The following GALNT10 variants were observed in gnomAD, a reference collection of about 807,000 sequenced individuals.
The protein encoded by GALNT10 is polypeptide N-acetylgalactosaminyltransferase 10, also known as GalNAc transferase 10.
Under a neutral mutation model 75.0 loss-of-function variants are expected in GALNT10, and 41 were observed. That is an observed-to-expected ratio of 0.55 (90% confidence interval 0.43 to 0.71). The LOEUF is 0.71. GALNT10 is among the 30% of genes least tolerant of loss of function. The pLI, the probability that GALNT10 is intolerant of heterozygous loss-of-function variation, is 0.00. For synonymous variants in GALNT10, 302 were observed against 313.0 expected (o/e 0.96, Z 0.37); for missense variants, 727 against 818.5 (o/e 0.89, Z 1.36).
Position 154,332,096 on chromosome 5 carries a change from C to T in GALNT10, c.568+2358C>T, listed in dbSNP as rs575696064. On this transcript the variant is annotated intron_variant, in intron 4 of 11. Coordinates refer to ENST00000297107, the MANE Select transcript of GALNT10 (RefSeq NM_198321.4). ...CTTTCTGTTTCCCAGTCTCCTCTCC[C>T]AGCCTCATCCTTCTCCCAGCATGAG... 2.6e-5 allele frequency among the ~76,000 whole-genome samples: 4 copies of T among 152,292 alleles called. No individual in the cohort carries two copies. The South Asian group carries it at 8.3e-4, about 32-fold the overall frequency.
rs752542245 is a variant in GALNT10, at chr5:154,409,663, C to T, written c.1287C>T (p.Ser429=). Residue 429 remains serine (S), a synonymous_variant, in exon 9 of 12, where the codon TCC becomes TCT. Coordinates refer to ENST00000297107, the MANE Select transcript of GALNT10 (RefSeq NM_198321.4). This position sits in a 1 kb window ranked among gnomAD's most constrained non-coding sequence, Gnocchi z 4.5. ...DVAVQKKLRS[S]LNCKSFKWFM... Reference sequence around the variant, plus strand: ...CAGTCCAGAAAAAGCTCCGCAGCTCCCTTAACTGCAAGAGTTTCAAGTGGT... The same window carrying T: ...CAGTCCAGAAAAAGCTCCGCAGCTCTCTTAACTGCAAGAGTTTCAAGTGGT... 47 of 1,613,914 alleles carry T rather than the reference C, an allele frequency of 2.9e-5. 1 individual carries two copies. The South Asian group carries it at 4.8e-4, about 17-fold the overall frequency.
At chr5:154,200,330 G>A (rs115276185) in intron 1 of GALNT10, among the ~76,000 whole-genome samples, 2,143 of 152,174 alleles carry the variant, frequency 0.014, 46 homozygotes, top group African/African-American at 0.049. Context: ...GGTCTCCCTT[G>A]TGAGTTACAA....
chr5:154,227,992 A>G (rs1753089985), intron 1 of GALNT10, among the ~76,000 whole-genome samples: 1 of 151,992 alleles, frequency 6.6e-6, no homozygotes, highest in African/African-American at 2.4e-5. Flanking sequence ...AGTTCTTGCA[A>G]GATCTGGTTG....
intron 1 of GALNT10, among the ~76,000 whole-genome samples, chr5:154,259,935 A>G (rs577210): frequency 0.064 from 9,813 of 152,250 alleles, 872 homozygotes; most frequent in African/African-American, 0.2. Flanking sequence ...TAAAATTCAT[A>G]AAACACAGTC....
intron 3 of GALNT10, among the ~76,000 whole-genome samples, chr5:154,327,216 AAAAAAAT>A (rs570734778): frequency 0.06 from 1,755 of 29,222 alleles, 32 homozygotes; most frequent in African/African-American, 0.22. Flanking sequence ...ACCCTGTCTC[AAAAAAAT>A]AAAAAATAAA....
intron 1 of GALNT10, among the ~76,000 whole-genome samples, chr5:154,261,548 C>T (rs1753698835): frequency 6.6e-6 from 1 of 152,170 alleles, no homozygotes; most frequent in Admixed American, 6.6e-5. Flanking sequence ...TTTCTTCCAC[C>T]AGCTAAGCAG....
chr5:154,240,992 T>C (rs1324824618), intron 1 of GALNT10, among the ~76,000 whole-genome samples: 1 of 152,148 alleles, frequency 6.6e-6, no homozygotes, highest in Non-Finnish European at 1.5e-5. Context: ...AGCTTTCCAG[T>C]GAGGAGTAGA....
intron 3 of GALNT10, among the ~76,000 whole-genome samples, chr5:154,311,324 G>C (rs572554167): frequency 1.3e-5 from 2 of 152,198 alleles, no homozygotes; most frequent in Non-Finnish European, 2.9e-5. Flanking sequence ...GTGTGATGAT[G>C]ATTTATTTCT....
At chr5:154,308,554 G>A (rs938545111) in intron 3 of GALNT10, among the ~76,000 whole-genome samples, 1 of 152,194 alleles carries the variant, frequency 6.6e-6, no homozygotes, top group Non-Finnish European at 1.5e-5. Flanking sequence ...GAGACCCTGA[G>A]AACTAGGAGA....
chr5:154,192,547 C>A (rs1395749709), intron 1 of GALNT10, among the ~76,000 whole-genome samples: 1 of 152,244 alleles, frequency 6.6e-6, no homozygotes, highest in Admixed American at 6.5e-5. Context: ...TCCTTGATCA[C>A]CTTTCATCTC....
intron 1 of GALNT10, among the ~76,000 whole-genome samples, chr5:154,201,712 C>T (rs952060365): frequency 1.6e-4 from 24 of 151,984 alleles, no homozygotes; most frequent in African/African-American, 5.3e-4. Flanking sequence ...GGGCAGATGA[C>T]GAGATCAGGA....
chr5:154,371,413 C>A (rs1225443801), intron 4 of GALNT10, among the ~76,000 whole-genome samples: 2 of 152,092 alleles, frequency 1.3e-5, no homozygotes, highest in Non-Finnish European at 2.9e-5. Flanking sequence ...ACAACTCCTC[C>A]TTATGCCACA....
chr5:154,250,731 A>C (rs1104792), intron 1 of GALNT10, among the ~76,000 whole-genome samples: 2,537 of 152,282 alleles, frequency 0.017, 34 homozygotes, highest in Middle Eastern at 0.031. Context: ...ACATTTACCC[A>C]TTCTCTGCTG....
intron 1 of GALNT10, among the ~76,000 whole-genome samples, chr5:154,239,647 G>T (rs1451736532): frequency 1.3e-5 from 2 of 152,098 alleles, no homozygotes; most frequent in African/African-American, 4.8e-5. Context: ...GCTGGTATAA[G>T]GTCTCTGCCA....
At chr5:154,316,288 T>G (rs1754592542) in intron 3 of GALNT10, among the ~76,000 whole-genome samples, 1 of 152,228 alleles carries the variant, frequency 6.6e-6, no homozygotes, top group Non-Finnish European at 1.5e-5. Context: ...TTTCTCTTTG[T>G]GTTGGGACTA....
chr5:154,201,580 G>T (rs1775028995), intron 1 of GALNT10, among the ~76,000 whole-genome samples: 1 of 152,032 alleles, frequency 6.6e-6, no homozygotes, highest in African/African-American at 2.4e-5. Flanking sequence ...AAGTTTTGTT[G>T]TTGTTGTTGT....
At chr5:154,256,017 C>G (rs917927672) in intron 1 of GALNT10, among the ~76,000 whole-genome samples, 1 of 152,106 alleles carries the variant, frequency 6.6e-6, no homozygotes, top group Non-Finnish European at 1.5e-5. Flanking sequence ...ATATAACTGC[C>G]TCTAGAGTGG....
At chr5:154,401,627 C>T (rs1348158164) in intron 7 of GALNT10, among the ~76,000 whole-genome samples, 4 of 152,050 alleles carry the variant, frequency 2.6e-5, no homozygotes, top group Non-Finnish European at 5.9e-5. Context: ...TTTTCTCCCC[C>T]AAGATCAGAA....
intron 3 of GALNT10, among the ~76,000 whole-genome samples, chr5:154,322,725 C>T (rs1218941463): frequency 6.6e-6 from 1 of 152,188 alleles, no homozygotes; most frequent in Non-Finnish European, 1.5e-5. Flanking sequence ...CTGATGTCCT[C>T]AGCCAGAGCT....
Sources: allele counts gnomAD v4.1 joint callset (sites outside exome capture counted in the v4.1 genomes callset), GRCh38; gene constraint gnomAD v4.1.1; non-coding constraint Gnocchi (gnomAD v3.1); transcripts MANE v1.5; gene names NCBI Gene and HGNC (gene_info 2026-07-23, HGNC 2026-07-21).